The following GUCA1C variants were observed in gnomAD, a reference collection of about 807,000 sequenced individuals.
GUCA1C encodes guanylate cyclase activator 1C.
A neutral mutation model predicts 16.2 loss-of-function variants in GUCA1C; 15 were observed. The ratio of observed to expected loss-of-function variants is 0.93; its 90% CI spans 0.62 to 1.43. The LOEUF is 1.43. GUCA1C is among the 40% of genes most tolerant of loss of function. GUCA1C has a pLI of 0.00. For missense variants in GUCA1C, 275 were observed against 244.8 expected (o/e 1.12, Z -0.82); for synonymous variants, 78 against 85.4 (o/e 0.91, Z 0.48).
intron 1 of GUCA1C, among the ~76,000 whole-genome samples, chr3:108,944,056 A>C (rs187512558): frequency 1.8e-4 from 27 of 152,260 alleles, no homozygotes; most frequent in Non-Finnish European, 3.7e-4. Context: ...AATCCAAATA[A>C]AAAATAAACA....
chr3:108,941,063 T>TA (rs35127033), intron 1 of GUCA1C, among the ~76,000 whole-genome samples: 54,266 of 150,180 alleles, frequency 0.36, 10,465 homozygotes, highest in Non-Finnish European at 0.44. Flanking sequence ...GGGGCTCATT[T>TA]AAAAAAAAAA....
At chr3:108,919,947 C>A (rs192272900) in intron 2 of GUCA1C, among the ~76,000 whole-genome samples, 1 of 152,036 alleles carries the variant, frequency 6.6e-6, no homozygotes, top group Admixed American at 6.6e-5. Context: ...GGTGGTGGTA[C>A]AGTGGCTTAT....
chr3:108,930,891 TA>T (rs1217137010), intron 1 of GUCA1C, among the ~76,000 whole-genome samples: 2 of 152,334 alleles, frequency 1.3e-5, no homozygotes, highest in Admixed American at 6.5e-5. Flanking sequence ...GAAATTTATT[TA>T]AGATGACAAC....
intron 1 of GUCA1C, 149 bp from the exon 2 acceptor site, chr3:108,920,734 T>G: frequency 1.8e-6 from 1 of 565,500 alleles, no homozygotes; most frequent in South Asian, 2.6e-5. Flanking sequence ...AGTGTTTCAT[T>G]TAAAAAAAAG....
chr3:108,942,178 A>G (rs951473011), intron 1 of GUCA1C, among the ~76,000 whole-genome samples: 25 of 152,196 alleles, frequency 1.6e-4, no homozygotes, highest in African/African-American at 6.0e-4. Flanking sequence ...TATCTACTCT[A>G]TAATATTGTT....
intron 1 of GUCA1C, among the ~76,000 whole-genome samples, chr3:108,938,066 A>T (rs907024429): frequency 2.6e-5 from 4 of 152,142 alleles, no homozygotes; most frequent in African/African-American, 4.8e-5. Flanking sequence ...GTCTAAAAAA[A>T]AAAACAAAAA....
intron 1 of GUCA1C, among the ~76,000 whole-genome samples, chr3:108,934,375 C>G (rs775664118): frequency 2.0e-5 from 3 of 152,006 alleles, no homozygotes; most frequent in Admixed American, 1.3e-4. Flanking sequence ...ATAGATCCCG[C>G]CGAGGCTGCA....
chr3:108,909,886 T>C (rs1258815497), intron 3 of GUCA1C, among the ~76,000 whole-genome samples: 1 of 152,210 alleles, frequency 6.6e-6, no homozygotes, highest in Non-Finnish European at 1.5e-5. Flanking sequence ...ACTACTTCTT[T>C]TGAAATTTTC....
chr3:108,918,500 C>A (rs911577662), intron 2 of GUCA1C, among the ~76,000 whole-genome samples: 32 of 152,174 alleles, frequency 2.1e-4, no homozygotes, highest in African/African-American at 7.2e-4. Context: ...CTGCTGTGGC[C>A]CTCAAATTGC....
chr3:108,909,641 A>G (rs976409268), intron 3 of GUCA1C, among the ~76,000 whole-genome samples: 6 of 152,250 alleles, frequency 3.9e-5, no homozygotes, highest in African/African-American at 1.4e-4. Flanking sequence ...TAGAAGAGGC[A>G]GCATCTGAAA....
In GUCA1C at chr3:108,945,900, T is replaced by A. The variant is rs193041885; in HGVS notation, c.204+7659A>T. 1.5e-4 allele frequency among the ~76,000 whole-genome samples: 23 copies of A among 152,332 alleles called. No homozygotes were observed. The East Asian group carries it at 4.4e-3, about 29-fold the overall frequency. On this transcript the variant is annotated intron_variant, in intron 1 of 3. Transcript: ENST00000261047. ...AACCCAATGATATGCTGGAGCGTAT[T>A]TCATCTGCCAGTGTGAGCTGATTGT...
intron 1 of GUCA1C, among the ~76,000 whole-genome samples, chr3:108,926,253 G>A (rs889915607): frequency 5.9e-5 from 9 of 152,166 alleles, no homozygotes; most frequent in Non-Finnish European, 7.4e-5. Flanking sequence ...ACTCCTGCTC[G>A]CTTTTGGTGT....
At chr3:108,913,682 T>C (rs1946479803) in intron 3 of GUCA1C, among the ~76,000 whole-genome samples, 1 of 152,170 alleles carries the variant, frequency 6.6e-6, no homozygotes, top group Non-Finnish European at 1.5e-5. Flanking sequence ...TCAGTTTTAG[T>C]TCTGTATATG....
chr3:108,940,114 C>T (rs1946770773), intron 1 of GUCA1C, among the ~76,000 whole-genome samples: 1 of 152,080 alleles, frequency 6.6e-6, no homozygotes, highest in African/African-American at 2.4e-5. Context: ...TTATGAAGTG[C>T]CAAACAAATA....
chr3:108,920,013 A>G (rs1946554663), intron 2 of GUCA1C, among the ~76,000 whole-genome samples: 1 of 152,150 alleles, frequency 6.6e-6, no homozygotes, highest in African/African-American at 2.4e-5. Context: ...TGAACCAACT[A>G]TTAGAAATAC....
chr3:108,921,191 A>G (rs1389371343), intron 1 of GUCA1C, among the ~76,000 whole-genome samples: 3 of 152,172 alleles, frequency 2.0e-5, no homozygotes, highest in African/African-American at 7.2e-5. Context: ...AGTATGTAGT[A>G]TATAGTATGT....
intron 1 of GUCA1C, among the ~76,000 whole-genome samples, chr3:108,922,142 TACAC>T (rs1559842305): frequency 7.0e-6 from 1 of 143,874 alleles, no homozygotes; most frequent in Non-Finnish European, 1.5e-5. Context: ...CCATGGTGTA[TACAC>T]ACACACATAC....
intron 1 of GUCA1C, among the ~76,000 whole-genome samples, chr3:108,931,634 T>C (rs897989621): frequency 6.6e-6 from 1 of 152,224 alleles, no homozygotes; most frequent in Non-Finnish European, 1.5e-5. Context: ...TGTGATTTAA[T>C]GGCTTGTGTT....
intron 1 of GUCA1C, among the ~76,000 whole-genome samples, chr3:108,944,096 C>T (rs533528987): frequency 4.1e-4 from 63 of 152,072 alleles, no homozygotes; most frequent in Middle Eastern, 3.4e-3. Context: ...TTTTAAACTT[C>T]TTCTTGAGAT....
Sources: allele counts gnomAD v4.1 joint callset (sites outside exome capture counted in the v4.1 genomes callset), GRCh38; gene constraint gnomAD v4.1.1; transcripts MANE v1.5; gene names NCBI Gene and HGNC (gene_info 2026-07-23, HGNC 2026-07-21).